Variants in PCDH15 observed in about 807,000 individuals in gnomAD.
The protein encoded by PCDH15 is protocadherin related 15, also known as protocadherin-15.
A neutral mutation model predicts 178.5 loss-of-function variants in PCDH15; 129 were observed. That is an observed-to-expected ratio of 0.72 (90% CI 0.63 to 0.84). PCDH15 has a LOEUF of 0.84. Among genes scored for constraint, PCDH15 ranks in the 40% least tolerant of loss-of-function variants. The pLI, the probability that PCDH15 is intolerant of heterozygous loss-of-function variation, is 0.00. For missense variants in PCDH15, 2,230 were observed against 2,099.9 expected (o/e 1.06, Z -1.21); for synonymous variants, 800 against 732.0 (o/e 1.09, Z -1.50).
At chr10:54,547,324 G>A (rs764472646) in intron 2 of PCDH15, among the ~76,000 whole-genome samples, 9 of 151,912 alleles carry the variant, frequency 5.9e-5, no homozygotes, top group Admixed American at 1.3e-4. Flanking sequence ...CTATTATTTT[G>A]TTTTACCTTT....
chr10:55,233,745 C>T (rs188033573), intron 1 of PCDH15, among the ~76,000 whole-genome samples: 1 of 152,098 alleles, frequency 6.6e-6, no homozygotes, highest in African/African-American at 2.4e-5. Flanking sequence ...GAGCAATTCA[C>T]CAGATGTAAA....
intron 2 of PCDH15, among the ~76,000 whole-genome samples, chr10:55,059,050 G>A (rs1841370534): frequency 6.6e-6 from 1 of 152,150 alleles, no homozygotes; most frequent in Admixed American, 6.6e-5. Context: ...TTCTAGAGCT[G>A]GAGCTAATTA....
chr10:55,038,929 C>T (rs1053835202), intron 2 of PCDH15, among the ~76,000 whole-genome samples: 2 of 152,088 alleles, frequency 1.3e-5, no homozygotes, highest in South Asian at 2.1e-4. Context: ...TAGTTTATTC[C>T]GCTTTGTCCA....
chr10:53,883,424 T>TC (rs2080874804), intron 26 of PCDH15, among the ~76,000 whole-genome samples: 1 of 152,114 alleles, frequency 6.6e-6, no homozygotes, highest in Non-Finnish European at 1.5e-5. Context: ...CATCATCATC[T>TC]CCTTTTTCTC....
chr10:55,190,241 T>C (rs1839910064), intron 1 of PCDH15, among the ~76,000 whole-genome samples: 1 of 146,610 alleles, frequency 6.8e-6, no homozygotes, highest in Non-Finnish European at 1.5e-5. Flanking sequence ...CATATTGGAG[T>C]GTCATATTGG....
chr10:55,345,155 C>A lies in PCDH15; in HGVS notation c.-155-178504G>T, dbSNP rs113146208. On this transcript the variant is annotated intron_variant, in intron 2 of 5. Transcript: ENST00000613346. ...TGTGTGTGTGTGTCTCTCTCTCTCT[C>A]TCTATATATATATATATGGTCAGAA... Among the ~76,000 whole-genome samples, 1,082 of 151,454 alleles carry A rather than the reference C, an allele frequency of 7.1e-3. 4 individuals carry two copies. Among genetic ancestry groups the A allele is most frequent in the Non-Finnish European group, 0.011 (732 of 67,844 alleles).
intron 2 of PCDH15, among the ~76,000 whole-genome samples, chr10:55,484,301 A>G (rs1840251797): frequency 6.6e-6 from 1 of 151,824 alleles, no homozygotes; most frequent in Admixed American, 6.6e-5. Flanking sequence ...TTAAAAAATA[A>G]AAAAGGATAA....
chr10:54,765,473 G>A lies in PCDH15; in HGVS notation c.-29+35452C>T, dbSNP rs1591519678. ...AAAAACTGGAATATTAGCTCCAGGA[G>A]AGCAAAAACTTTTGTCTTTTATTTT... On this transcript the variant is annotated intron_variant, in intron 1 of 37. Transcript: ENST00000644397. 3.3e-5 allele frequency among the ~76,000 whole-genome samples: 5 copies of A among 152,078 alleles called. No homozygotes were observed. The South Asian group carries it at 8.3e-4, about 25-fold the overall frequency.
chr10:54,225,218 T>C (rs999319890), intron 9 of PCDH15, among the ~76,000 whole-genome samples: 12 of 152,170 alleles, frequency 7.9e-5, no homozygotes, highest in African/African-American at 2.9e-4. Context: ...GTCAAGAGAA[T>C]GCACTTTGAA....
At chr10:54,294,495 T>C (rs1002514039) in intron 8 of PCDH15, among the ~76,000 whole-genome samples, 9 of 152,148 alleles carry the variant, frequency 5.9e-5, no homozygotes, top group Admixed American at 1.3e-4. Flanking sequence ...CTGCCTCAAA[T>C]AGATATAACG....
intron 16 of PCDH15, among the ~76,000 whole-genome samples, chr10:54,089,043 G>T (rs913312242): frequency 3.9e-5 from 6 of 152,068 alleles, no homozygotes; most frequent in Non-Finnish European, 5.9e-5. Context: ...TTTTCAAATA[G>T]AAGTTTACTT....
At position 53,857,193 on chromosome 10, in the gene PCDH15, T is replaced by G. The variant is rs1386422135; in HGVS notation, c.3788A>C (p.Lys1263Thr). ...SNVPPTLVEK[K>T]IEDLTEILDR... ...CAATTACTCTGTAAGATCTTCTATC[T>G]TTTTTTCCACTAGAGTAGGAGGCAC... is the stretch of plus-strand genomic sequence containing the variant. The change falls in exon 28 of 38, where the codon AAG (lysine) becomes ACG (threonine). Residue 1263 changes from lysine (K) to threonine (T), a missense_variant. Transcript: ENST00000644397. 1 of 1,599,982 alleles carries G rather than the reference T, an allele frequency of 6.3e-7. No homozygotes were observed. The highest frequency in any genetic ancestry group is 8.6e-7 in the Non-Finnish European group (1 of 1,167,772).
chr10:54,453,866 G>A (rs1352455293), intron 3 of PCDH15, among the ~76,000 whole-genome samples: 1 of 151,914 alleles, frequency 6.6e-6, no homozygotes, highest in African/African-American at 2.4e-5. Context: ...AGCCCTCAGA[G>A]GAAGCACCTT....
intron 2 of PCDH15, among the ~76,000 whole-genome samples, chr10:55,077,212 C>G (rs759353645): frequency 1.3e-5 from 2 of 151,686 alleles, no homozygotes; most frequent in African/African-American, 4.8e-5. Context: ...ATAATTGTAT[C>G]ATTTTTAATC....
At chr10:55,486,005 C>G (rs1565187591) in intron 2 of PCDH15, among the ~76,000 whole-genome samples, 2 of 151,782 alleles carry the variant, frequency 1.3e-5, no homozygotes, top group East Asian at 3.9e-4. Flanking sequence ...CACATGTTGT[C>G]AAAACTTACT....
chr10:54,967,228 C>T (rs1419799065), intron 2 of PCDH15, among the ~76,000 whole-genome samples: 1 of 151,972 alleles, frequency 6.6e-6, no homozygotes, highest in Non-Finnish European at 1.5e-5. Context: ...ATGGGATCAA[C>T]TTCATATATG....
At chr10:54,316,573 C>T (rs1156328797) in intron 8 of PCDH15, among the ~76,000 whole-genome samples, 5 of 42,752 alleles carry the variant, frequency 1.2e-4, no homozygotes, top group East Asian at 1.0e-3. Flanking sequence ...CACACACACA[C>T]ACAAATACAC....
At chr10:54,678,913 G>C (rs1193203645) in intron 1 of PCDH15, among the ~76,000 whole-genome samples, 1 of 152,100 alleles carries the variant, frequency 6.6e-6, no homozygotes, top group South Asian at 2.1e-4. Context: ...ACAATTGGCC[G>C]GGCGCGGTGG....
At position 54,699,320 on chromosome 10, in the gene PCDH15, G is replaced by A. The variant is rs528780848; in HGVS notation, c.-28-35030C>T. On this transcript the variant is annotated intron_variant, in intron 1 of 37. Transcript: ENST00000644397. ...CTCAAATTATTAGTTCATATGTTAC[G>A]GAAGAAAATGTTTGCCACATTTCTG... Among the ~76,000 whole-genome samples, 96 of 151,770 alleles carry A rather than the reference G, an allele frequency of 6.3e-4. 2 individuals are homozygous for A. In the South Asian group the frequency reaches 0.018, roughly 28 times the overall value.
Sources: gnomAD v4.1 joint callset for allele counts (sites outside exome capture counted in the v4.1 genomes callset) on GRCh38, gnomAD v4.1.1 for gene constraint, MANE v1.5 for transcripts, NCBI Gene and HGNC (gene_info 2026-07-23, HGNC 2026-07-21) for gene names.